EXT1: variants seen among roughly 807,000 people sequenced by gnomAD.
The protein encoded by EXT1 is exostosin-1.
A neutral mutation model predicts 82.5 loss-of-function variants in EXT1; 20 were observed. The observed-to-expected ratio is 0.24, with a 90% CI of 0.17 to 0.35. The LOEUF (loss-of-function observed/expected upper bound fraction) is 0.35, where lower values mean the gene tolerates loss of function less well. Among genes scored for constraint, EXT1 ranks in the 10% least tolerant of loss-of-function variants. The pLI is 1.00. For missense variants in EXT1, 757 were observed against 936.5 expected (o/e 0.81, Z 2.50); for synonymous variants, 348 against 350.8 (o/e 0.99, Z 0.09).
intron 1 of EXT1, among the ~76,000 whole-genome samples, chr8:118,040,196 T>C (rs1816503819): frequency 6.6e-6 from 1 of 152,172 alleles, no homozygotes; most frequent in African/African-American, 2.4e-5. Flanking sequence ...GCTGGCCTAA[T>C]TACCAGTCCG....
chr8:117,992,436 G>C (rs1815453446), intron 1 of EXT1, among the ~76,000 whole-genome samples: 2 of 109,552 alleles, frequency 1.8e-5, no homozygotes, highest in African/African-American at 3.9e-5. Context: ...CTTTCAACTA[G>C]CTAAAAAAAA....
chr8:117,804,976 A>G, intron 9 of EXT1, 83 bp from the exon 10 acceptor site: 1 of 1,261,942 alleles, frequency 7.9e-7, no homozygotes, highest in Non-Finnish European at 1.2e-6. Flanking sequence ...ACACATACCC[A>G]TTCTTTGAAT....
intron 4 of EXT1, among the ~76,000 whole-genome samples, chr8:117,825,260 T>C (rs922443420): frequency 1.3e-5 from 2 of 152,216 alleles, no homozygotes; most frequent in African/African-American, 4.8e-5. Context: ...AAAAGGTTTA[T>C]ATCAACTTGC....
chr8:118,057,771 C>T (rs773631703), intron 1 of EXT1, among the ~76,000 whole-genome samples: 5 of 151,650 alleles, frequency 3.3e-5, no homozygotes, highest in African/African-American at 1.2e-4. Context: ...GTCAGAAGAT[C>T]GAGACCATCA....
At chr8:118,063,849 T>C (rs1816928152) in intron 1 of EXT1, among the ~76,000 whole-genome samples, 1 of 150,874 alleles carries the variant, frequency 6.6e-6, no homozygotes, top group South Asian at 2.1e-4. Context: ...AGCTACACTT[T>C]ATTTATTTAC....
intron 1 of EXT1, among the ~76,000 whole-genome samples, chr8:117,969,018 A>G (rs1814886177): frequency 6.6e-6 from 1 of 152,238 alleles, no homozygotes; most frequent in Non-Finnish European, 1.5e-5. Flanking sequence ...CGAAAAGCAG[A>G]CCCAGTCCAG....
chr8:117,987,916 C>T (rs989584857), intron 1 of EXT1, among the ~76,000 whole-genome samples: 3 of 152,094 alleles, frequency 2.0e-5, no homozygotes, highest in Non-Finnish European at 2.9e-5. Flanking sequence ...AGCAAAATCT[C>T]GTCTCTACAA....
At chr8:117,940,848 C>A (rs955995678) in intron 1 of EXT1, among the ~76,000 whole-genome samples, 1 of 152,148 alleles carries the variant, frequency 6.6e-6, no homozygotes, top group Non-Finnish European at 1.5e-5. Flanking sequence ...AGTGCAGTCA[C>A]CCCTAGGCTG....
chr8:117,984,429 AAAAAC>A, intron 1 of EXT1, among the ~76,000 whole-genome samples: 2 of 146,952 alleles, frequency 1.4e-5, no homozygotes, highest in Middle Eastern at 3.5e-3. Context: ...ACTCCGTCTC[AAAAAC>A]AAAACAAAAC....
At chr8:117,822,400 G>A (rs953538545) in intron 5 of EXT1, 65 bp downstream of exon 5, 1 of 1,566,514 alleles carries the variant, frequency 6.4e-7, no homozygotes, top group African/African-American at 1.3e-5. Context: ...AAGAATAAAG[G>A]CCTTTAGTTC....
intron 1 of EXT1, among the ~76,000 whole-genome samples, chr8:118,024,867 T>C (rs1160071405): frequency 6.6e-6 from 1 of 152,248 alleles, no homozygotes. Flanking sequence ...TTCATCCAAC[T>C]AGCAGCAGTG....
chr8:118,111,375 G>A lies in EXT1; in HGVS notation c.-329C>T, dbSNP rs560601967. On this transcript the variant is annotated 5_prime_UTR_variant, in exon 1 of 11. Transcript: ENST00000378204. ...GACGGAGGAAAAGAAAGAGAGAGGG[G>A]AGAAAAAAAAAGCTCCCGATACCCA... 2 of 554,080 alleles carry A rather than the reference G, an allele frequency of 3.6e-6. No individual in the cohort carries two copies. Among genetic ancestry groups the A allele is most frequent in the African/African-American group, 1.9e-5 (1 of 52,730 alleles). 34.3% of individuals were successfully genotyped at this position (554,080 alleles called of 1,614,324 possible).
chr8:118,066,769 C>T (rs1240331369), intron 1 of EXT1, among the ~76,000 whole-genome samples: 1 of 152,150 alleles, frequency 6.6e-6, no homozygotes, highest in Non-Finnish European at 1.5e-5. Flanking sequence ...ACAGGCTATT[C>T]ATTGTTACGT....
intron 1 of EXT1, among the ~76,000 whole-genome samples, chr8:117,894,041 A>G (rs1813293887): frequency 6.6e-6 from 1 of 151,938 alleles, no homozygotes; most frequent in African/African-American, 2.4e-5. Context: ...CTATCTACCC[A>G]CTGACCCCTA....
intron 1 of EXT1, among the ~76,000 whole-genome samples, chr8:117,950,025 G>A (rs995718672): frequency 1.3e-5 from 2 of 152,158 alleles, no homozygotes; most frequent in Admixed American, 1.3e-4. Context: ...AGGAGTCTGA[G>A]ACCAGCCTGG....
chr8:118,023,612 G>A (rs1319969299), intron 1 of EXT1, among the ~76,000 whole-genome samples: 4 of 152,284 alleles, frequency 2.6e-5, no homozygotes, highest in Non-Finnish European at 5.9e-5. Flanking sequence ...TGAGGACCAC[G>A]TCCAGATGCA....
At chr8:117,805,011 T>C in intron 9 of EXT1, 118 bp from the exon 10 acceptor site, 4 of 856,330 alleles carry the variant, frequency 4.7e-6, no homozygotes, top group Non-Finnish European at 7.6e-6. Flanking sequence ...TGAATGGTAA[T>C]GATAATGATG....
At chr8:118,099,831 T>C (rs139145243) in intron 1 of EXT1, among the ~76,000 whole-genome samples, 6 of 152,340 alleles carry the variant, frequency 3.9e-5, no homozygotes, top group African/African-American at 1.4e-4. Flanking sequence ...GCTGTTGCTG[T>C]TATCCTCATC....
chr8:117,828,499 T>C (rs1812044109), intron 4 of EXT1, among the ~76,000 whole-genome samples: 1 of 148,894 alleles, frequency 6.7e-6, no homozygotes, highest in Non-Finnish European at 1.5e-5. Context: ...CAGAGTGAGA[T>C]CCTGTCTAAA....
Sources: allele counts gnomAD v4.1 joint callset (sites outside exome capture counted in the v4.1 genomes callset), GRCh38; gene constraint gnomAD v4.1.1; transcripts MANE v1.5; gene names NCBI Gene and HGNC (gene_info 2026-07-23, HGNC 2026-07-21).